The following SOX11 variants were observed in gnomAD, a reference collection of about 807,000 sequenced individuals.
SOX11 encodes the protein SRY-box transcription factor 11.
SOX11 carries 5 observed loss-of-function variants against 16.7 expected under a neutral mutation model. That is an observed-to-expected ratio of 0.30 (90% CI 0.16 to 0.63). The LOEUF is 0.63. Ranked by LOEUF, SOX11 falls within the 20% of genes least tolerant of loss-of-function variation. The pLI is 0.82. For missense variants in SOX11, 492 were observed against 641.5 expected (o/e 0.77, Z 2.52); for synonymous variants, 363 against 298.8 (o/e 1.21, Z -2.22).
At position 5,699,709 on chromosome 2, in the gene SOX11, CT is replaced by C. The variant is rs60344356; in HGVS notation, c.*5680del. ...TCTCTTCCATTTTACTTACTGCTGG[CT>C]TTTTTTTTTTTTTTTTTCCTTGATT... On this transcript the variant is annotated 3_prime_UTR_variant, in exon 1 of 1. Coordinates refer to ENST00000322002, the MANE Select transcript of SOX11 (RefSeq NM_003108.4). The C allele has an allele frequency of 0.14, 20,349 of 140,726 alleles. 1,368 individuals carry two copies. The highest frequency in any genetic ancestry group is 0.2 in the African/African-American group (7,398 of 36,256). The allele number at this position is 140,726 out of a possible 1,614,324, so 8.7% of individuals were successfully genotyped here.
Position 5,694,077 on chromosome 2 carries a change from G to T in SOX11, c.*30G>T. On this transcript the variant is annotated 3_prime_UTR_variant, in exon 1 of 1. Transcript: ENST00000322002. ...CGCCCGCTGCTCGCTCTTTCTCTCG[G>T]AGGGTGCAGAGCTGGGTTCCTTGGG... 1 of 1,536,724 alleles carries T rather than the reference G, an allele frequency of 6.5e-7. No homozygotes were observed.
In SOX11 at chr2:5,693,164, G is replaced by C. The variant is rs1398697866; in HGVS notation, c.443G>C (p.Gly148Ala). 5 of 1,579,180 alleles carry C rather than the reference G, an allele frequency of 3.2e-6. No individual in the cohort carries two copies. In the African/African-American group the frequency reaches 6.8e-5, roughly 21 times the overall value. Reference protein sequence around the residue: ...PEKSAAGGGGGSAGGGAGGAK... With the variant: ...PEKSAAGGGGASAGGGAGGAK... Reference sequence around the variant, plus strand: ...AAGAGCGCGGCCGGCGGCGGCGGCGGGAGCGCGGGCGGAGGCGCGGGCGGT... The same window carrying C: ...AAGAGCGCGGCCGGCGGCGGCGGCGCGAGCGCGGGCGGAGGCGCGGGCGGT... Residue 148 changes from glycine (G) to alanine (A), a missense_variant, in exon 1 of 1, where the codon GGG becomes GCG. Transcript: ENST00000322002. This position sits in a 1 kb window ranked among gnomAD's most constrained non-coding sequence, Gnocchi z 8.6.
Position 5,692,714 on chromosome 2 carries a change from A to C in SOX11, c.-8A>C. 6.4e-7 allele frequency: 1 copy of C among 1,570,112 alleles called. No individual in the cohort carries two copies. The highest frequency in any genetic ancestry group is 8.7e-7 in the Non-Finnish European group (1 of 1,154,748). On this transcript the variant is annotated 5_prime_UTR_variant, in exon 1 of 1. Coordinates refer to ENST00000322002, the MANE Select transcript of SOX11 (RefSeq NM_003108.4). ...CCCGGGTTGGAGCGTCCAGCCCTGCAGCGGATCATGGTGCAGCAGGCGGAG... is the reference window on the plus strand; with the variant it reads ...CCCGGGTTGGAGCGTCCAGCCCTGCCGCGGATCATGGTGCAGCAGGCGGAG...
Position 5,693,735 on chromosome 2 carries a change from G to T in SOX11, c.1014G>T (p.Ser338=). The T allele has an allele frequency of 6.3e-7, 1 of 1,588,834 alleles. No homozygotes were observed. The highest frequency in any genetic ancestry group is 8.6e-7 in the Non-Finnish European group (1 of 1,168,798). Residue 338 remains serine, a synonymous_variant, in exon 1 of 1, where the codon TCG becomes TCT. Coordinates refer to ENST00000322002, the MANE Select transcript of SOX11 (RefSeq NM_003108.4). The surrounding 1 kb of genome is among the most constrained non-coding windows in gnomAD (Gnocchi z 8.6). ...QPALSPASSR[S]VSTSSSSSSG... is the part of the protein sequence containing the mutation. The stretch of plus-strand genomic sequence containing the variant: ...CGCTGTCGCCCGCGTCCTCGCGCTC[G>T]GTGTCCACCTCCTCGTCCAGCAGCA...
Position 5,692,550 on chromosome 2 carries a change from C to A in SOX11, c.-172C>A, listed in dbSNP as rs1051761401. 1.8e-6 allele frequency: 1 copy of A among 543,596 alleles called. No homozygotes were observed. The highest frequency in any genetic ancestry group is 3.0e-6 in the Non-Finnish European group (1 of 334,678). 33.7% of individuals were successfully genotyped at this position (543,596 alleles called of 1,614,324 possible). ...GCGGCCGTCGTCGCCGAAGCCACCA[C>A]AGCCGCTGTGTGCAGCCTGGAAGGG... On this transcript the variant is annotated 5_prime_UTR_variant, in exon 1 of 1. Coordinates refer to ENST00000322002, the MANE Select transcript of SOX11 (RefSeq NM_003108.4).
At position 5,692,756 on chromosome 2, in the gene SOX11, G is replaced by A. The variant is rs890630265; in HGVS notation, c.35G>A (p.Ser12Asn). 15 of 1,606,760 alleles carry A rather than the reference G, an allele frequency of 9.3e-6. No individual in the cohort carries two copies. The Middle Eastern group carries it at 5.0e-4, about 53-fold the overall frequency. Residue 12 changes from serine (S) to asparagine (N), a missense_variant, in exon 1 of 1, where the codon AGC becomes AAC. Coordinates refer to ENST00000322002, the MANE Select transcript of SOX11 (RefSeq NM_003108.4). ...VQQAESLEAE[S>N]NLPREALDTE... is the part of the protein sequence containing the mutation. ...CAGGCGGAGAGCTTGGAAGCGGAGAGCAACCTGCCCCGGGAGGCGCTGGAC... is the reference window on the plus strand; with the variant it reads ...CAGGCGGAGAGCTTGGAAGCGGAGAACAACCTGCCCCGGGAGGCGCTGGAC...
rs1270574692 is a variant in SOX11, at chr2:5,696,073, C to T, written c.*2026C>T. 6.0e-6 allele frequency: 1 copy of T among 165,862 alleles called. No homozygotes were observed. The highest frequency in any genetic ancestry group is 2.4e-5 in the African/African-American group (1 of 41,472). The allele number at this position is 165,862 out of a possible 1,614,324, so 10.3% of individuals were successfully genotyped here. ...GCGGCGGGCCGCGTCCCCGCTGAGC[C>T]TCGCGGTGACAGCCGCCTTTGGCAG... On this transcript the variant is annotated 3_prime_UTR_variant, in exon 1 of 1. Transcript: ENST00000322002.
Position 5,698,219 on chromosome 2 carries a change from A to G in SOX11, c.*4172A>G, listed in dbSNP as rs1367730969. 1 of 167,150 alleles carries G rather than the reference A, an allele frequency of 6.0e-6. No individual in the cohort carries two copies. The highest frequency in any genetic ancestry group is 1.5e-5 in the Non-Finnish European group (1 of 68,130). The allele number at this position is 167,150 out of a possible 1,614,324, so 10.4% of individuals were successfully genotyped here. A position where few individuals can be genotyped will look rare whatever the true frequency, so the allele number is the denominator to read the frequency against. ...GAATTCTTTATTGAGTGTCTAAAAC[A>G]TAGTATAATACACATGGTATTCTTG... On this transcript the variant is annotated 3_prime_UTR_variant, in exon 1 of 1. Transcript: ENST00000322002.
Position 5,693,309 on chromosome 2 carries a change from C to G in SOX11, c.588C>G (p.Asp196Glu), listed in dbSNP as rs544581532. The change falls in exon 1 of 1, where the codon GAC (aspartate) becomes GAG (glutamate). Residue 196 changes from aspartate (D) to glutamate (E), a missense_variant. Asp to Glu is a conservative substitution (Grantham distance 45). Transcript: ENST00000322002. This position sits in a 1 kb window ranked among gnomAD's most constrained non-coding sequence, Gnocchi z 8.6. ...AQSGDYGGAG[D>E]DYVLGSLRVS... The stretch of plus-strand genomic sequence containing the variant: ...CCGGGGACTACGGGGGCGCGGGCGA[C>G]GACTACGTGCTGGGCAGCCTGCGCG... The G allele has an allele frequency of 1.2e-5, 19 of 1,563,446 alleles. No individual in the cohort carries two copies. The Admixed American group carries it at 1.2e-4, about 10-fold the overall frequency.
chr2:5,693,690 G>T lies in SOX11; in HGVS notation c.969G>T (p.Pro323=). The T allele has an allele frequency of 2.5e-6, 4 of 1,598,892 alleles. No individual in the cohort carries two copies. The highest frequency in any genetic ancestry group is 3.4e-6 in the Non-Finnish European group (4 of 1,177,640). Residue 323 remains proline (P), a synonymous_variant, in exon 1 of 1, where the codon CCG becomes CCT. Coordinates refer to ENST00000322002, the MANE Select transcript of SOX11 (RefSeq NM_003108.4). The surrounding 1 kb of genome is among the most constrained non-coding windows in gnomAD (Gnocchi z 8.6). ...TCAAGAACATCACCAAGCAGCACCC[G>T]CCGCCGCTCGCGCAGCCCGCGCTGT... ...YSFKNITKQH[P]PPLAQPALSP...
rs777676391 is a variant in SOX11 at position 5,693,495 on chromosome 2, G to C, written c.774G>C (p.Pro258=). The part of the protein sequence containing the change: ...EEPPHQQLLQ[P]PGQQPSQLLR... ...CACCGCACCAGCAGCTCCTGCAGCCGCCGGGGCAGCAGCCGTCGCAGCTGC... is the reference window on the plus strand; with the variant it reads ...CACCGCACCAGCAGCTCCTGCAGCCCCCGGGGCAGCAGCCGTCGCAGCTGC... The change falls in exon 1 of 1, where the codon CCG becomes CCC. Residue 258 remains proline (P), a synonymous_variant. Coordinates refer to ENST00000322002, the MANE Select transcript of SOX11 (RefSeq NM_003108.4). The surrounding 1 kb of genome is among the most constrained non-coding windows in gnomAD (Gnocchi z 8.6). The C allele has an allele frequency of 1.3e-5, 20 of 1,580,090 alleles. No individual in the cohort carries two copies. The highest frequency in any genetic ancestry group is 1.7e-5 in the Non-Finnish European group (20 of 1,170,844).
chr2:5,693,543 A>G lies in SOX11; in HGVS notation c.822A>G (p.Lys274=), dbSNP rs1342633670. 3.2e-6 allele frequency: 5 copies of G among 1,565,774 alleles called. No individual in the cohort carries two copies. In the East Asian group the frequency reaches 9.4e-5, roughly 29 times the overall value. Residue 274 remains lysine, a synonymous_variant, in exon 1 of 1, where the codon AAA becomes AAG. Transcript: ENST00000322002. The surrounding 1 kb of genome is among the most constrained non-coding windows in gnomAD (Gnocchi z 8.6). ...TGCTGAGACGCTACAACGTCGCCAA[A>G]GTGCCCGCCAGCCCTACGCTGAGCA... ...SQLLRRYNVA[K]VPASPTLSSS... is the part of the protein sequence containing the mutation.
Position 5,695,148 on chromosome 2 carries a change from G to GT in SOX11, c.*1104dup, listed in dbSNP as rs1158174588. 7 of 165,688 alleles carry GT rather than the reference G, an allele frequency of 4.2e-5. No homozygotes were observed. Among genetic ancestry groups the GT allele is most frequent in the Admixed American group, 2.6e-4 (4 of 15,180 alleles). 10.3% of individuals were successfully genotyped at this position (165,688 alleles called of 1,614,324 possible). ...AAGTATGTTGGTACGTTATGTCCTG[G>GT]TTTAAAAAGGATTAAAATTTTAAAA... On this transcript the variant is annotated 3_prime_UTR_variant, in exon 1 of 1. Coordinates refer to ENST00000322002, the MANE Select transcript of SOX11 (RefSeq NM_003108.4).
Position 5,699,099 on chromosome 2 carries a change from T to G in SOX11, c.*5052T>G, listed in dbSNP as rs1665792672. 1 of 167,078 alleles carries G rather than the reference T, an allele frequency of 6.0e-6. No homozygotes were observed. The highest frequency in any genetic ancestry group is 1.5e-5 in the Non-Finnish European group (1 of 68,114). 10.3% of individuals were successfully genotyped at this position (167,078 alleles called of 1,614,324 possible). ...GTGGACACTTTGAGAGAGGTTTTCT[T>G]GGACTCTCCCATTTATAGAATCTTT... On this transcript the variant is annotated 3_prime_UTR_variant, in exon 1 of 1. Coordinates refer to ENST00000322002, the MANE Select transcript of SOX11 (RefSeq NM_003108.4).
rs1421324843 is a variant in SOX11 at position 5,695,597 on chromosome 2, T to C, written c.*1550T>C. On this transcript the variant is annotated 3_prime_UTR_variant, in exon 1 of 1. Transcript: ENST00000322002. ...TTTTTTTTTTTTTGTGCTGGAAGTC[T>C]GTATCTTGACAATTTTAATAAATCA... is the stretch of plus-strand genomic sequence containing the variant. The C allele has an allele frequency of 6.4e-6, 1 of 156,580 alleles. No homozygotes were observed. Among genetic ancestry groups the C allele is most frequent in the East Asian group, 2.1e-4 (1 of 4,744 alleles). The allele number at this position is 156,580 out of a possible 1,614,324, so 9.7% of individuals were successfully genotyped here.
rs1665828266 is a variant in SOX11, at chr2:5,700,987, G to A, written c.*6940G>A. 6.0e-6 allele frequency: 1 copy of A among 166,756 alleles called. No homozygotes were observed. Among genetic ancestry groups the A allele is most frequent in the Admixed American group, 6.6e-5 (1 of 15,254 alleles). 10.3% of individuals were successfully genotyped at this position (166,756 alleles called of 1,614,324 possible). A position where few individuals can be genotyped will look rare whatever the true frequency, so the allele number is the denominator to read the frequency against. ...GCCTATTGCTGTGAAACAGAGAGAA[G>A]GTAAAGCTACCTGAGGCAGTGCGCT... On this transcript the variant is annotated 3_prime_UTR_variant, in exon 1 of 1. Coordinates refer to ENST00000322002, the MANE Select transcript of SOX11 (RefSeq NM_003108.4).
In SOX11 at chr2:5,692,565, G is replaced by T; in HGVS notation, c.-157G>T. 1 of 638,206 alleles carries T rather than the reference G, an allele frequency of 1.6e-6. No homozygotes were observed. The allele number at this position is 638,206 out of a possible 1,614,324, so 39.5% of individuals were successfully genotyped here. A position where few individuals can be genotyped will look rare whatever the true frequency, so the allele number is the denominator to read the frequency against. On this transcript the variant is annotated 5_prime_UTR_variant, in exon 1 of 1. Transcript: ENST00000322002. ...GAAGCCACCACAGCCGCTGTGTGCA[G>T]CCTGGAAGGGGGGGCGGGGGGGAGG...
rs951414283 is a variant in SOX11, at chr2:5,695,574, T to G, written c.*1527T>G. 5.5e-5 allele frequency: 9 copies of G among 165,086 alleles called. No individual in the cohort carries two copies. Among genetic ancestry groups the G allele is most frequent in the African/African-American group, 2.0e-4 (8 of 40,786 alleles). 10.2% of individuals were successfully genotyped at this position (165,086 alleles called of 1,614,324 possible). On this transcript the variant is annotated 3_prime_UTR_variant, in exon 1 of 1. Coordinates refer to ENST00000322002, the MANE Select transcript of SOX11 (RefSeq NM_003108.4). ...GTCGACATCATTGCCTGTTTTTTTT[T>G]TTTTTTTTTTGTGCTGGAAGTCTGT... is the stretch of plus-strand genomic sequence containing the variant.
rs747350074 is a variant in SOX11, at chr2:5,692,904, G to A, written c.183G>A (p.Lys61=). ...TGAACGCGTTCATGGTATGGTCCAA[G>A]ATCGAACGCAGGAAGATCATGGAGC... is the stretch of plus-strand genomic sequence containing the variant. ...RPMNAFMVWS[K]IERRKIMEQS... is the part of the protein sequence containing the mutation. The change falls in exon 1 of 1, where the codon AAG becomes AAA. Residue 61 remains lysine, a synonymous_variant. Transcript: ENST00000322002. The A allele has an allele frequency of 5.6e-6, 9 of 1,613,950 alleles. No individual in the cohort carries two copies. Among genetic ancestry groups the A allele is most frequent in the Non-Finnish European group, 7.6e-6 (9 of 1,179,990 alleles).
Sources: gnomAD v4.1 joint callset for allele counts on GRCh38, gnomAD v4.1.1 for gene constraint, Gnocchi (gnomAD v3.1) non-coding constraint, MANE v1.5 for transcripts, NCBI Gene and HGNC (gene_info 2026-07-23, HGNC 2026-07-21) for gene names.